The following PCSK1 variants were observed in gnomAD, a reference collection of about 807,000 sequenced individuals.
The protein encoded by PCSK1 is proprotein convertase subtilisin/kexin type 1, also known as neuroendocrine convertase 1.
PCSK1 carries 56 observed loss-of-function variants against 90.6 expected under a neutral mutation model. The observed-to-expected ratio is 0.62, with a 90% CI of 0.50 to 0.77. PCSK1 has a LOEUF of 0.77. Among genes scored for constraint, PCSK1 ranks in the 30% least tolerant of loss-of-function variants. PCSK1 has a pLI of 0.00. For missense variants in PCSK1, 801 were observed against 932.6 expected (o/e 0.86, Z 1.84); for synonymous variants, 348 against 342.4 (o/e 1.02, Z -0.18).
At chr5:96,406,448 C>A (rs1314667352) in intron 9 of PCSK1, among the ~76,000 whole-genome samples, 12 of 152,144 alleles carry the variant, frequency 7.9e-5, no homozygotes, top group Non-Finnish European at 1.5e-5. Flanking sequence ...TAATTGAGCA[C>A]CTGAATTTAC....
chr5:96,420,424 A>G (rs935852480), intron 5 of PCSK1, among the ~76,000 whole-genome samples: 1 of 152,160 alleles, frequency 6.6e-6, no homozygotes, highest in Non-Finnish European at 1.5e-5. Context: ...CTCCAAAGGT[A>G]CCCTTGCCAG....
Position 96,392,971 on chromosome 5 carries a change from A to AT in PCSK1, c.*29dup. 6.2e-7 allele frequency: 1 copy of AT among 1,612,636 alleles called. No individual in the cohort carries two copies. Among genetic ancestry groups the AT allele is most frequent in the Non-Finnish European group, 8.5e-7 (1 of 1,178,718 alleles). On this transcript the variant is annotated 3_prime_UTR_variant, in exon 14 of 14. Transcript: ENST00000311106. ...ATCGCAGGGTAAGGAAGAAGCATGAATATTTCCAACTTGGGACCACACACT... is the reference window on the plus strand; with the variant it reads ...ATCGCAGGGTAAGGAAGAAGCATGAATTATTTCCAACTTGGGACCACACACT...
chr5:96,425,866 G>C lies in PCSK1; in HGVS notation c.350C>G (p.Ala117Gly). 1 of 1,611,784 alleles carries C rather than the reference G, an allele frequency of 6.2e-7. No individual in the cohort carries two copies. The change falls in exon 3 of 14, where the codon GCA becomes GGA. Residue 117 changes from alanine to glycine, a missense_variant. Transcript: ENST00000311106. ...CATGGGATCATTGAAGAGATTTAGT[G>C]CTGAGTCCCTTAGAGCTGAACGTTT... ...RSKRSALRDS[A>G]LNLFNDPMWN...
Position 96,392,804 on chromosome 5 carries a change from A to G in PCSK1, c.*197T>C. ...AGGAAAGATGTGTTTTGAAATACCT[A>G]TGATCAATTCTGGAAGTTGAACTTC... On this transcript the variant is annotated 3_prime_UTR_variant, in exon 14 of 14. Coordinates refer to ENST00000311106, the MANE Select transcript of PCSK1 (RefSeq NM_000439.5). The G allele has an allele frequency of 4.7e-6, 3 of 641,722 alleles. No individual in the cohort carries two copies. Among genetic ancestry groups the G allele is most frequent in the Non-Finnish European group, 8.3e-6 (3 of 361,928 alleles). The allele number at this position is 641,722 out of a possible 1,614,324, so 39.8% of individuals were successfully genotyped here.
chr5:96,429,412 T>C, intron 1 of PCSK1, 95 bp from the exon 2 acceptor site: 1 of 705,076 alleles, frequency 1.4e-6, no homozygotes, highest in South Asian at 1.6e-5. Flanking sequence ...TAGGCAACTT[T>C]TATTAAGCCC....
chr5:96,425,391 C>T (rs974435551), intron 3 of PCSK1, among the ~76,000 whole-genome samples: 7 of 152,184 alleles, frequency 4.6e-5, no homozygotes, highest in African/African-American at 1.7e-4. Flanking sequence ...CAGAGATTCT[C>T]ATCTGTGTCA....
chr5:96,412,298 GTCTGTGTAAAGCA>G lies in PCSK1; in HGVS notation c.882+7_882+19del. 6.2e-7 allele frequency: 1 copy of G among 1,605,744 alleles called. No individual in the cohort carries two copies. The highest frequency in any genetic ancestry group is 1.7e-5 in the Admixed American group (1 of 60,000). The stretch of plus-strand genomic sequence containing the variant: ...GATGGTCAGGTTTCATTTCATGTGG[GTCTGTGTAAAGCA>G]TCTTACCTGTTTGACACCATATTCA... On this transcript the variant is annotated splice_region_variant and intron_variant, in intron 7 of 13. Coordinates refer to ENST00000311106, the MANE Select transcript of PCSK1 (RefSeq NM_000439.5).
intron 2 of PCSK1, among the ~76,000 whole-genome samples, chr5:96,427,285 G>A (rs1761339924): frequency 6.6e-6 from 1 of 152,180 alleles, no homozygotes; most frequent in South Asian, 2.1e-4. Context: ...GTAGAAAACA[G>A]TGTTATGATT....
At chr5:96,422,282 T>C (rs565279595) in intron 4 of PCSK1, among the ~76,000 whole-genome samples, 151 of 152,172 alleles carry the variant, frequency 9.9e-4, no homozygotes, top group Admixed American at 3.3e-3. Context: ...GATGAGAAAA[T>C]TGAGGCCCAG....
chr5:96,408,032 G>C (rs1308934743), intron 9 of PCSK1, among the ~76,000 whole-genome samples, 191 bp downstream of exon 9: 1 of 152,206 alleles, frequency 6.6e-6, no homozygotes, highest in East Asian at 1.9e-4. Flanking sequence ...AATTTTGTAA[G>C]ATGTGTGTGT....
intron 4 of PCSK1, among the ~76,000 whole-genome samples, chr5:96,422,635 T>A (rs533058743): frequency 4.5e-4 from 69 of 152,294 alleles, no homozygotes; most frequent in South Asian, 2.7e-3. Context: ...TTTCCTTGGC[T>A]CTTTAGCTTG....
Position 96,393,168 on chromosome 5 carries a change from T to C in PCSK1, c.2095A>G (p.Asn699Asp). 2.5e-6 allele frequency: 4 copies of C among 1,614,162 alleles called. No homozygotes were observed. Among genetic ancestry groups the C allele is most frequent in the Non-Finnish European group, 3.4e-6 (4 of 1,180,008 alleles). Residue 699 changes from asparagine to aspartate, a missense_variant, in exon 14 of 14, where the codon AAC becomes GAC. Coordinates refer to ENST00000311106, the MANE Select transcript of PCSK1 (RefSeq NM_000439.5). ...AGCTTTTCCAGGGCTTCGTAGAAGT[T>C]TTCATAAGGGATGTTGAGCTTTGCA... ...PSAKLNIPYE[N>D]FYEALEKLNK...
intron 3 of PCSK1, 35 bp downstream of exon 3, chr5:96,425,785 G>C: frequency 8.5e-7 from 1 of 1,177,268 alleles, no homozygotes; most frequent in Non-Finnish European, 1.3e-6. Context: ...CCAGGTCCCA[G>C]GTCCCACCCA....
rs1760294690 is a variant in PCSK1 at position 96,399,954 on chromosome 5, T to C, written c.1429A>G (p.Arg477Gly). Reference protein sequence around the residue: ...CVVKDNDFEPRALKANGEVII... With the variant: ...CVVKDNDFEPGALKANGEVII... ...TTTAAAATTCCAGGAGATACTTACC[T>C]GGGCTCAAAGTCATTGTCCTTTACA... The change falls in exon 10 of 14, where the codon AGA becomes GGA. Residue 477 changes from arginine to glycine, a missense_variant and splice_region_variant. Arg to Gly is a moderately radical substitution (Grantham distance 125). Transcript: ENST00000311106. 3 of 1,609,422 alleles carry C rather than the reference T, an allele frequency of 1.9e-6. No homozygotes were observed.
chr5:96,412,752 G>GTTTTTTTTTTTTTT lies in PCSK1; in HGVS notation c.710-276_710-263dup, dbSNP rs57397343. Among the ~76,000 whole-genome samples the GTTTTTTTTTTTTTT allele has an allele frequency of 1.4e-3, 102 of 71,800 alleles. 19 individuals carry two copies. The highest frequency in any genetic ancestry group is 7.9e-3 in the African/African-American group (88 of 11,120). 47.1% of individuals were successfully genotyped at this position (71,800 alleles called of 152,430 possible). On this transcript the variant is annotated intron_variant, in intron 6 of 13. Transcript: ENST00000311106. The stretch of plus-strand genomic sequence containing the variant: ...CATGCACTGTGTAGGCAGCTGTGAT[G>GTTTTTTTTTTTTTT]TTTTTTTTTTTTTTTTTTTTTTTGG...
Position 96,408,291 on chromosome 5 carries a change from C to T in PCSK1, c.1128G>A (p.Glu376=). ...CAGAGGCCGAGGTGCCTGTGTGCGTCTCCGTGCAGTCATTGTGCAGGTCAG... is the reference window on the plus strand; with the variant it reads ...CAGAGGCCGAGGTGCCTGTGTGCGTTTCCGTGCAGTCATTGTGCAGGTCAG... The part of the protein sequence containing the change: ...TSADLHNDCT[E]THTGTSASAP... The change falls in exon 9 of 14, where the codon GAG becomes GAA. Residue 376 remains glutamate (E), a synonymous_variant. Transcript: ENST00000311106. The T allele has an allele frequency of 6.2e-7, 1 of 1,614,092 alleles. No homozygotes were observed. Among genetic ancestry groups the T allele is most frequent in the South Asian group, 1.1e-5 (1 of 91,070 alleles).
chr5:96,399,085 T>C (rs1278772282), intron 10 of PCSK1, 49 bp from the exon 11 acceptor site: 2 of 1,386,268 alleles, frequency 1.4e-6, no homozygotes, highest in Non-Finnish European at 2.0e-6. Flanking sequence ...CCAAACTTCC[T>C]TGCATTTTAT....
At chr5:96,408,396 T>C (rs1760644291) in intron 8 of PCSK1, 73 bp from the exon 9 acceptor site, 2 of 1,052,164 alleles carry the variant, frequency 1.9e-6, no homozygotes, top group Admixed American at 1.9e-5. Context: ...GGGGGTTAAC[T>C]GTACCAAAGG....
In PCSK1 at chr5:96,415,805, A is replaced by ATT. The variant is rs11368471; in HGVS notation, c.709+226_709+227dup. Among the ~76,000 whole-genome samples, 365 of 151,234 alleles carry ATT rather than the reference A, an allele frequency of 2.4e-3. 1 individual carries two copies. The highest frequency in any genetic ancestry group is 7.9e-3 in the African/African-American group (326 of 41,168). ...TTCAAATGCTATTCAACATTTCCACATTTTTTTTTCCTGCAAAGATGTATA... is the reference window on the plus strand; with the variant it reads ...TTCAAATGCTATTCAACATTTCCACATTTTTTTTTTTCCTGCAAAGATGTATA... On this transcript the variant is annotated intron_variant, in intron 6 of 13. Transcript: ENST00000311106.
Sources: gnomAD v4.1 joint callset for allele counts (sites outside exome capture counted in the v4.1 genomes callset) on GRCh38, gnomAD v4.1.1 for gene constraint, MANE v1.5 for transcripts, NCBI Gene and HGNC (gene_info 2026-07-23, HGNC 2026-07-21) for gene names.